Variants in ARMH1 observed in about 807,000 individuals in gnomAD.
ARMH1 encodes armadillo like helical domain containing 1, also known as armadillo-like helical domain containing protein 1.
ARMH1 carries 34 observed loss-of-function variants against 50.2 expected under a neutral mutation model. The ratio of observed to expected loss-of-function variants is 0.68; its 90% CI spans 0.51 to 0.90. ARMH1 has a LOEUF of 0.90. Among genes scored for constraint, ARMH1 ranks in the 40% least tolerant of loss-of-function variants. The probability of loss-of-function intolerance (pLI) is 0.00; values close to 1 mark genes in which losing one functional copy is unlikely to be tolerated. For missense variants in ARMH1, 538 were observed against 553.9 expected, an observed-to-expected ratio of 0.97 and a Z score of 0.29; for synonymous variants, 221 against 224.2, an observed-to-expected ratio of 0.99 and a Z score of 0.13.
chr1:44,698,156 G>GGAAT lies in ARMH1; in HGVS notation c.370_373dup (p.Ser125Ter). 1 of 1,552,354 alleles carries GGAAT rather than the reference G, an allele frequency of 6.4e-7. No homozygotes were observed. Among genetic ancestry groups the GGAAT allele is most frequent in the East Asian group, 2.4e-5 (1 of 40,924 alleles). ...AGAAGATCAAGGAGGAGGCCAAGAA[G>GGAAT]GAATCTGTCAAACTACTTCAGGTTA... On this transcript the variant is annotated frameshift_variant, in exon 4 of 12. Coordinates refer to ENST00000535358, the MANE Select transcript of ARMH1 (RefSeq NM_001145636.2). LOFTEE classifies it high-confidence loss of function.
intron 1 of ARMH1, 75 bp from the exon 2 acceptor site, chr1:44,689,601 T>G: frequency 1.7e-6 from 2 of 1,174,822 alleles, no homozygotes; most frequent in Non-Finnish European, 2.5e-6. Flanking sequence ...TGCCTGCAGT[T>G]GATTGCTAGA....
intron 1 of ARMH1, among the ~76,000 whole-genome samples, chr1:44,676,415 G>A (rs1406221984): frequency 6.6e-6 from 1 of 152,184 alleles, no homozygotes; most frequent in African/African-American, 2.4e-5. Context: ...GATTTGTTGA[G>A]CTTGCCCAGG....
chr1:44,695,853 G>T (rs1181769276), intron 2 of ARMH1, among the ~76,000 whole-genome samples: 1 of 151,990 alleles, frequency 6.6e-6, no homozygotes, highest in East Asian at 1.9e-4. Flanking sequence ...ACTGAGACAG[G>T]AGGATTGCTT....
chr1:44,678,989 A>G (rs576662941), intron 1 of ARMH1, among the ~76,000 whole-genome samples: 21 of 152,310 alleles, frequency 1.4e-4, no homozygotes, highest in African/African-American at 5.1e-4. Flanking sequence ...TGATTTATGG[A>G]TGAGTCCAGA....
Position 44,709,496 on chromosome 1 carries a change from C to T in ARMH1, c.724+5323C>T, listed in dbSNP as rs182157809. Among the ~76,000 whole-genome samples, 519 of 152,176 alleles carry T rather than the reference C, an allele frequency of 3.4e-3. 1 individual carries two copies. Among genetic ancestry groups the T allele is most frequent in the African/African-American group, 0.011 (468 of 41,518 alleles). On this transcript the variant is annotated intron_variant, in intron 6 of 11. Coordinates refer to ENST00000535358, the MANE Select transcript of ARMH1 (RefSeq NM_001145636.2). ...GACCATCCTGGCTAACACGGTGAAA[C>T]CCCATCTCTACTAAAAATACAAAAA...
At chr1:44,686,953 G>GAA (rs774171806) in intron 1 of ARMH1, among the ~76,000 whole-genome samples, 12 of 74,302 alleles carry the variant, frequency 1.6e-4, no homozygotes, top group Non-Finnish European at 1.7e-4. Context: ...CCTCATTTCA[G>GAA]AAAAAAAAAA....
At chr1:44,723,023 C>T (rs1157013980) in intron 6 of ARMH1, among the ~76,000 whole-genome samples, 1 of 150,804 alleles carries the variant, frequency 6.6e-6, no homozygotes, top group Non-Finnish European at 1.5e-5. Flanking sequence ...TGCAGTGAGC[C>T]GAGATCGCGC....
intron 6 of ARMH1, among the ~76,000 whole-genome samples, chr1:44,715,422 T>C (rs1215194521): frequency 6.6e-6 from 1 of 152,222 alleles, no homozygotes; most frequent in Non-Finnish European, 1.5e-5. Flanking sequence ...AATGAGATGA[T>C]CAGACCAGTG....
Position 44,725,291 on chromosome 1 carries a change from C to T in ARMH1, c.1211C>T (p.Ala404Val). 1 of 1,551,850 alleles carries T rather than the reference C, an allele frequency of 6.4e-7. No homozygotes were observed. The highest frequency in any genetic ancestry group is 8.7e-7 in the Non-Finnish European group (1 of 1,147,012). Residue 404 changes from alanine (A) to valine (V), a missense_variant and splice_region_variant, in exon 12 of 12, where the codon GCC becomes GTC. Coordinates refer to ENST00000535358, the MANE Select transcript of ARMH1 (RefSeq NM_001145636.2). ...TCACGCCCGCCTTTCCTGCCTGCAG[C>T]CCTGTGCCTCCATGGCAGCTCCTAC... ...LAANTVNVTKALCLHGSSYSM... is the reference protein window; with the variant it reads ...LAANTVNVTKVLCLHGSSYSM...
chr1:44,699,283 CA>C (rs75158327), intron 4 of ARMH1, among the ~76,000 whole-genome samples: 1,797 of 42,588 alleles, frequency 0.042, 17 homozygotes, highest in African/African-American at 0.12. Context: ...GACTCCGTCT[CA>C]AAAAAAAAAA....
intron 2 of ARMH1, among the ~76,000 whole-genome samples, chr1:44,693,473 C>G (rs1357092752): frequency 6.6e-6 from 1 of 152,072 alleles, no homozygotes; most frequent in Non-Finnish European, 1.5e-5. Context: ...GAGACAGAGT[C>G]TCACTCTCAC....
At chr1:44,692,008 T>C (rs2148621000) in intron 2 of ARMH1, among the ~76,000 whole-genome samples, 1 of 152,344 alleles carries the variant, frequency 6.6e-6, no homozygotes, top group South Asian at 2.1e-4. Context: ...ATATTCCTGC[T>C]CTGTGTGCCC....
chr1:44,714,098 C>T (rs1646739046), intron 6 of ARMH1, among the ~76,000 whole-genome samples: 1 of 151,466 alleles, frequency 6.6e-6, no homozygotes. Context: ...GAAACCCTGT[C>T]TCTACTAAAA....
Position 44,724,604 on chromosome 1 carries a change from T to C in ARMH1, c.986T>C (p.Leu329Pro). 6.6e-7 allele frequency: 1 copy of C among 1,516,046 alleles called. No homozygotes were observed. The highest frequency in any genetic ancestry group is 2.1e-5 in the Admixed American group (1 of 48,350). 93.9% of individuals were successfully genotyped at this position (1,516,046 alleles called of 1,614,324 possible). The change falls in exon 9 of 12, where the codon CTA becomes CCA. Residue 329 changes from leucine (L) to proline (P), a missense_variant. By Grantham distance (98) the Leu-to-Pro change is moderately conservative. Transcript: ENST00000535358. This position sits in a 1 kb window ranked among gnomAD's most constrained non-coding sequence, Gnocchi z 6.4. ...ELLYLRVVRG[L>P]MAAMGNTDHS... ...CTGTACCTGCGCGTGGTGCGTGGCC[T>C]AATGGCCGCCATGGGCAACACGGAC...
chr1:44,711,232 T>C (rs1426225363), intron 6 of ARMH1, among the ~76,000 whole-genome samples: 2 of 152,238 alleles, frequency 1.3e-5, no homozygotes, highest in East Asian at 3.8e-4. Flanking sequence ...TGCTGGATCA[T>C]ATGGTAATTC....
chr1:44,703,088 C>G (rs1482437573), intron 5 of ARMH1, among the ~76,000 whole-genome samples: 1 of 152,006 alleles, frequency 6.6e-6, no homozygotes, highest in East Asian at 1.9e-4. Context: ...ATGTTTAATG[C>G]TAAAAGAAAA....
In ARMH1 at chr1:44,725,344, G is replaced by A; in HGVS notation, c.1264G>A (p.Asp422Asn). Reference sequence around the variant, plus strand: ...CATGAACACTCTCTATGGCTCGCGCGATTCGGCTCAGATGGCCTACCTCAC... The same window carrying A: ...CATGAACACTCTCTATGGCTCGCGCAATTCGGCTCAGATGGCCTACCTCAC... ...YSMNTLYGSRDSAQMAYLTHF... is the reference protein window; with the variant it reads ...YSMNTLYGSRNSAQMAYLTHF... Residue 422 changes from aspartate (D) to asparagine (N), a missense_variant, in exon 12 of 12, where the codon GAT becomes AAT. Physicochemically the swap from Asp to Asn is conservative, Grantham distance 23. Transcript: ENST00000535358. 6.4e-7 allele frequency: 1 copy of A among 1,551,720 alleles called. No homozygotes were observed. Among genetic ancestry groups the A allele is most frequent in the African/African-American group, 1.4e-5 (1 of 73,164 alleles).
chr1:44,698,030 G>A, intron 3 of ARMH1, 33 bp from the exon 4 acceptor site: 2 of 1,499,192 alleles, frequency 1.3e-6, no homozygotes, highest in South Asian at 2.6e-5. Flanking sequence ...CTTGACAAGA[G>A]TTTTATTTCT....
rs35873369 is a variant in ARMH1, at chr1:44,720,197, CAAA to C, written c.725-3904_725-3902del. Reference sequence around the variant, plus strand: ...GGGCAACAAGAGCAAAACTCTGTCTCAAAAAAAAAAAAAAAAAAAAAAAGTTGG... The same window carrying C: ...GGGCAACAAGAGCAAAACTCTGTCTCAAAAAAAAAAAAAAAAAAAAGTTGG... On this transcript the variant is annotated intron_variant, in intron 6 of 11. Coordinates refer to ENST00000535358, the MANE Select transcript of ARMH1 (RefSeq NM_001145636.2). 7.2e-5 allele frequency among the ~76,000 whole-genome samples: 5 copies of C among 69,192 alleles called. No homozygotes were observed. The East Asian group carries it at 1.2e-3, about 17-fold the overall frequency. The allele number at this position is 69,192 out of a possible 152,430, so 45.4% of individuals were successfully genotyped here.
Sources: gnomAD v4.1 joint callset for allele counts (sites outside exome capture counted in the v4.1 genomes callset) on GRCh38, gnomAD v4.1.1 for gene constraint, Gnocchi (gnomAD v3.1) non-coding constraint, MANE v1.5 for transcripts, NCBI Gene and HGNC (gene_info 2026-07-23, HGNC 2026-07-21) for gene names.